MRPL13: variants seen among roughly 807,000 people sequenced by gnomAD.
MRPL13 encodes large ribosomal subunit protein uL13m.
In MRPL13, 33 loss-of-function variants were observed where a neutral mutation model predicts 29.0. The observed-to-expected ratio is 1.14, with a 90% CI of 0.86 to 1.52. MRPL13 has a LOEUF of 1.52. Ranked by LOEUF, MRPL13 falls within the 40% of genes most tolerant of loss-of-function variation. MRPL13 has a pLI of 0.00. For synonymous variants in MRPL13, 77 were observed against 68.4 expected, an observed-to-expected ratio of 1.13 and a Z score of -0.62; for missense variants, 227 against 216.7, an observed-to-expected ratio of 1.05 and a Z score of -0.30.
chr8:120,410,857 C>G (rs1360229232), intron 6 of MRPL13, among the ~76,000 whole-genome samples: 1 of 152,010 alleles, frequency 6.6e-6, no homozygotes, highest in African/African-American at 2.4e-5. Flanking sequence ...TCTCGGCAAC[C>G]TCCGCCTCCC....
At chr8:120,415,741 C>T (rs1812795868) in intron 5 of MRPL13, 1 of 152,022 alleles carries the variant, frequency 6.6e-6, no homozygotes, top group African/African-American at 2.4e-5. Flanking sequence ...TTCAAATCTG[C>T]ACAATAATTA....
intron 6 of MRPL13, among the ~76,000 whole-genome samples, chr8:120,401,458 C>T (rs1312633854): frequency 6.6e-6 from 1 of 152,180 alleles, no homozygotes; most frequent in African/African-American, 2.4e-5. Context: ...AACATCCTTT[C>T]ATGTTAAAAA....
chr8:120,435,310 T>C (rs1004863449), intron 2 of MRPL13, among the ~76,000 whole-genome samples: 13 of 152,124 alleles, frequency 8.5e-5, no homozygotes, highest in African/African-American at 3.1e-4. Context: ...GATTATTTTG[T>C]CACCTAGGCA....
intron 6 of MRPL13, among the ~76,000 whole-genome samples, chr8:120,401,146 T>C (rs1055920185): frequency 6.6e-6 from 1 of 152,204 alleles, no homozygotes; most frequent in Non-Finnish European, 1.5e-5. Context: ...CCCTAACTTA[T>C]TTTATGAGGC....
intron 2 of MRPL13, among the ~76,000 whole-genome samples, chr8:120,439,809 G>C (rs1202749557): frequency 6.6e-6 from 1 of 152,190 alleles, no homozygotes; most frequent in Admixed American, 6.5e-5. Flanking sequence ...AGAGCAGCAA[G>C]TATAAGAAAT....
At chr8:120,440,233 C>T (rs78994951) in intron 2 of MRPL13, among the ~76,000 whole-genome samples, 1 of 152,110 alleles carries the variant, frequency 6.6e-6, no homozygotes, top group South Asian at 2.1e-4. Context: ...AATATAAATG[C>T]CTGAGCAGAA....
intron 3 of MRPL13, among the ~76,000 whole-genome samples, chr8:120,427,618 T>C (rs1047313370): frequency 2.6e-5 from 4 of 152,012 alleles, no homozygotes; most frequent in African/African-American, 7.2e-5. Flanking sequence ...TACAGCTAAT[T>C]AGGGAGGTGA....
chr8:120,426,090 C>G (rs1228426990), intron 3 of MRPL13, among the ~76,000 whole-genome samples: 6 of 152,038 alleles, frequency 3.9e-5, no homozygotes, highest in Non-Finnish European at 8.8e-5. Context: ...ATAATGCTAT[C>G]TACCTCAAAA....
At chr8:120,396,830 T>C (rs1044049616) in intron 6 of MRPL13, among the ~76,000 whole-genome samples, 5 of 152,362 alleles carry the variant, frequency 3.3e-5, no homozygotes, top group Admixed American at 3.3e-4. Context: ...ATATGGAATT[T>C]TCTGAAGGAA....
At chr8:120,406,260 C>G (rs932337347) in intron 6 of MRPL13, among the ~76,000 whole-genome samples, 2 of 151,818 alleles carry the variant, frequency 1.3e-5, no homozygotes, top group Non-Finnish European at 2.9e-5. Context: ...ACAAAGTATC[C>G]AAAATTGTAT....
At chr8:120,431,435 G>A (rs796515016) in intron 3 of MRPL13, among the ~76,000 whole-genome samples, 21 of 152,216 alleles carry the variant, frequency 1.4e-4, no homozygotes, top group African/African-American at 5.1e-4. Flanking sequence ...CACACAGGAA[G>A]GAGAAGACAT....
intron 2 of MRPL13, among the ~76,000 whole-genome samples, chr8:120,435,686 C>A (rs1251283698): frequency 6.6e-6 from 1 of 151,818 alleles, no homozygotes; most frequent in Non-Finnish European, 1.5e-5. Context: ...GCTTTAAGTT[C>A]TTTCAGAAAT....
intron 4 of MRPL13, among the ~76,000 whole-genome samples, chr8:120,423,818 T>A (rs543672693): frequency 2.9e-4 from 44 of 152,150 alleles, no homozygotes; most frequent in South Asian, 2.5e-3. Flanking sequence ...AAAGAAAATT[T>A]AAAAAAATCA....
intron 6 of MRPL13, among the ~76,000 whole-genome samples, chr8:120,412,369 C>T (rs1812748607): frequency 6.6e-6 from 1 of 152,122 alleles, no homozygotes; most frequent in African/African-American, 2.4e-5. Context: ...ATAGAATTTG[C>T]AATAGCAAAA....
chr8:120,398,093 G>A (rs899815428), intron 6 of MRPL13, among the ~76,000 whole-genome samples: 1 of 152,182 alleles, frequency 6.6e-6, no homozygotes, highest in Non-Finnish European at 1.5e-5. Flanking sequence ...GAAGCAGTCC[G>A]GATGGGGATG....
chr8:120,408,734 T>C (rs1812707822), intron 6 of MRPL13, among the ~76,000 whole-genome samples: 1 of 152,236 alleles, frequency 6.6e-6, no homozygotes, highest in African/African-American at 2.4e-5. Context: ...GTCTCTGATC[T>C]GAAGCATGTT....
intron 5 of MRPL13, among the ~76,000 whole-genome samples, chr8:120,416,652 A>G (rs563793432): frequency 7.5e-4 from 114 of 152,318 alleles, no homozygotes; most frequent in African/African-American, 2.7e-3. Flanking sequence ...TTAAATTTAC[A>G]CAAAAGTTGT....
chr8:120,427,746 T>C (rs1484594144), intron 3 of MRPL13, among the ~76,000 whole-genome samples: 1 of 152,068 alleles, frequency 6.6e-6, no homozygotes, highest in African/African-American at 2.4e-5. Context: ...TGAGGACTTC[T>C]TGAGCCCACA....
At chr8:120,410,528 T>C (rs1812727764) in intron 6 of MRPL13, among the ~76,000 whole-genome samples, 3 of 152,214 alleles carry the variant, frequency 2.0e-5, no homozygotes, top group Admixed American at 1.3e-4. Flanking sequence ...TAGAACTTTA[T>C]AAAATGGCAT....
Sources: allele counts gnomAD v4.1 joint callset (sites outside exome capture counted in the v4.1 genomes callset), GRCh38; gene constraint gnomAD v4.1.1; transcripts MANE v1.5; gene names NCBI Gene and HGNC (gene_info 2026-07-23, HGNC 2026-07-21).